The following LRR1 variants were observed in gnomAD, a reference collection of about 807,000 sequenced individuals.
LRR1 encodes the protein leucine-rich repeat protein 1.
In LRR1, 29 loss-of-function variants were observed where a neutral mutation model predicts 31.6. The observed-to-expected ratio is 0.92, with a 90% CI of 0.68 to 1.25. The LOEUF is 1.25. Ranked by LOEUF, LRR1 falls within the 50% of genes most tolerant of loss-of-function variation. The pLI, the probability that LRR1 is intolerant of heterozygous loss-of-function variation, is 0.00. For missense variants in LRR1, 485 were observed against 487.2 expected (o/e 1.00, Z 0.04); for synonymous variants, 179 against 181.4 (o/e 0.99, Z 0.10).
At chr14:49,611,280 C>T (rs1334475104) in intron 3 of LRR1, among the ~76,000 whole-genome samples, 1 of 151,880 alleles carries the variant, frequency 6.6e-6, no homozygotes, top group South Asian at 2.1e-4. Flanking sequence ...TTCGAGACCA[C>T]ACTGACCAAC....
At chr14:49,611,373 G>C (rs1882505203) in intron 3 of LRR1, among the ~76,000 whole-genome samples, 1 of 152,110 alleles carries the variant, frequency 6.6e-6, no homozygotes, top group African/African-American at 2.4e-5. Flanking sequence ...TACTCAGGAG[G>C]CTGAGGCAGG....
intron 1 of LRR1, chr14:49,601,558 G>A (rs1321149489): frequency 1.7e-6 from 2 of 1,197,546 alleles, no homozygotes; most frequent in Non-Finnish European, 2.2e-6. Flanking sequence ...GGATAGAATA[G>A]CAAAGGAGAC....
intron 1 of LRR1, among the ~76,000 whole-genome samples, chr14:49,599,813 C>T (rs1431128586): frequency 6.8e-6 from 1 of 146,182 alleles, no homozygotes; most frequent in East Asian, 2.0e-4. Context: ...GCGGCAGCGC[C>T]GCGGGCCTGC....
intron 1 of LRR1, chr14:49,600,659 G>A (rs1193687837): frequency 1.4e-6 from 2 of 1,434,906 alleles, no homozygotes; most frequent in East Asian, 2.3e-5. Context: ...CTCTCAGAAA[G>A]CAAATGAAAT....
rs1026076109 is a variant in LRR1, at chr14:49,600,541, T to A, written c.183+1338T>A. On this transcript the variant is annotated intron_variant, in intron 1 of 3. Transcript: ENST00000298288. ...TTTGATGAGGCTATCATAGCCATTT[T>A]AACTCCAAAGAAACACACTGTAAAA... 31 of 1,575,374 alleles carry A rather than the reference T, an allele frequency of 2.0e-5. No homozygotes were observed. In the African/African-American group the frequency reaches 4.2e-4, roughly 21 times the overall value.
chr14:49,608,172 T>C, intron 3 of LRR1, 51 bp downstream of exon 3: 4 of 1,481,800 alleles, frequency 2.7e-6, no homozygotes, highest in Non-Finnish European at 3.6e-6. Context: ...CATTCTAATA[T>C]TCCTATCAAA....
intron 1 of LRR1, among the ~76,000 whole-genome samples, chr14:49,599,653 C>A (rs1199202761): frequency 6.6e-6 from 1 of 151,858 alleles, no homozygotes; most frequent in Non-Finnish European, 1.5e-5. Context: ...CCCACAGTTG[C>A]CGTCTCCCCC....
At chr14:49,602,246 T>A (rs1882089575) in intron 1 of LRR1, 124 bp from the exon 2 acceptor site, 11 of 467,224 alleles carry the variant, frequency 2.4e-5, no homozygotes, top group Admixed American at 3.7e-5. Context: ...ATGAAAACAC[T>A]CAGACTCAAG....
Position 49,603,710 on chromosome 14 carries a change from A to ATTTTTTTTTTTTTTTTTTTTT in LRR1, c.282+1243_282+1244insTTTTTTTTTTTTTTTTTTTTT, listed in dbSNP as rs1566493069. On this transcript the variant is annotated intron_variant, in intron 2 of 3. Transcript: ENST00000298288. ...TTTTTTTTTTTTTTTTTTTTTTTTAATGAGACAGAGTCTCTCCCTGTCACC... is the reference window on the plus strand; with the variant it reads ...TTTTTTTTTTTTTTTTTTTTTTTTAATTTTTTTTTTTTTTTTTTTTTTGAGACAGAGTCTCTCCCTGTCACC... 3.0e-5 allele frequency: 4 copies of ATTTTTTTTTTTTTTTTTTTTT among 132,726 alleles called. 2 individuals are homozygous for ATTTTTTTTTTTTTTTTTTTTT. The highest frequency in any genetic ancestry group is 4.0e-5 in the Non-Finnish European group (4 of 100,046). The allele number at this position is 132,726 out of a possible 1,614,324, so 8.2% of individuals were successfully genotyped here.
chr14:49,610,194 A>G (rs1233511582), intron 3 of LRR1, among the ~76,000 whole-genome samples: 2 of 151,428 alleles, frequency 1.3e-5, no homozygotes, highest in South Asian at 2.1e-4. Context: ...TTGTCTGAAC[A>G]CTAACTGCAT....
intron 2 of LRR1, among the ~76,000 whole-genome samples, chr14:49,602,942 TCTC>T (rs959258148): frequency 6.6e-6 from 1 of 151,274 alleles, no homozygotes; most frequent in African/African-American, 2.4e-5. Context: ...TTCAAACAAT[TCTC>T]CTGCCTCAGC....
intron 1 of LRR1, chr14:49,601,217 T>C (rs1467923906): frequency 3.4e-6 from 5 of 1,457,010 alleles, no homozygotes; most frequent in Non-Finnish European, 4.6e-6. Context: ...CTTAATGTGC[T>C]TTCTTAAAAA....
chr14:49,599,253 G>T, intron 1 of LRR1, 50 bp downstream of exon 1: 1 of 1,511,122 alleles, frequency 6.6e-7, no homozygotes, highest in East Asian at 2.4e-5. Flanking sequence ...CTTGGAAGCC[G>T]AGACGCGGGC....
Position 49,614,259 on chromosome 14 carries a change from T to C in LRR1, c.1008T>C (p.Ile336=), listed in dbSNP as rs1882615549. The C allele has an allele frequency of 6.2e-7, 1 of 1,611,194 alleles. No homozygotes were observed. The highest frequency in any genetic ancestry group is 1.3e-5 in the African/African-American group (1 of 74,872). ...TTTTTATCATTCTTTCCAATAGGAT[T>C]CCATATGGCTCTCATATCATTCCAT... The part of the protein sequence containing the change: ...SSARTILHNR[I]PYGSHIIPFH... The change falls in exon 4 of 4, where the codon ATT becomes ATC. Residue 336 remains isoleucine (I), a synonymous_variant. Transcript: ENST00000298288.
In LRR1 at chr14:49,614,549, T is replaced by A. The variant is rs767844327; in HGVS notation, c.*53T>A. 1.2e-6 allele frequency: 2 copies of A among 1,609,692 alleles called. No homozygotes were observed. Among genetic ancestry groups the A allele is most frequent in the South Asian group, 1.1e-5 (1 of 90,472 alleles). On this transcript the variant is annotated 3_prime_UTR_variant, in exon 4 of 4. Transcript: ENST00000298288. ...ATAACAGATCAGTTTGGGGTGCATGTATGATTTTGCAGCGTCAAATTGGAG... is the reference window on the plus strand; with the variant it reads ...ATAACAGATCAGTTTGGGGTGCATGAATGATTTTGCAGCGTCAAATTGGAG...
chr14:49,603,789 G>A (rs1186724613), intron 2 of LRR1, among the ~76,000 whole-genome samples: 1 of 138,138 alleles, frequency 7.2e-6, no homozygotes, highest in African/African-American at 2.6e-5. Flanking sequence ...CACCTCCCGG[G>A]TTCAAGCGAT....
chr14:49,599,347 C>A, intron 1 of LRR1, 144 bp downstream of exon 1: 1 of 908,788 alleles, frequency 1.1e-6, no homozygotes, highest in Non-Finnish European at 1.6e-6. Context: ...TGAGACCTAC[C>A]ATCAGCCCGA....
chr14:49,604,750 T>TGACA (rs1209332656), intron 2 of LRR1, among the ~76,000 whole-genome samples: 1 of 152,120 alleles, frequency 6.6e-6, no homozygotes, highest in East Asian at 1.9e-4. Context: ...CCAGCATGGG[T>TGACA]GACAGAGCAA....
intron 1 of LRR1, chr14:49,601,018 T>C: frequency 1.2e-6 from 2 of 1,610,486 alleles, no homozygotes; most frequent in Non-Finnish European, 1.7e-6. Context: ...TTAATTGTTC[T>C]TGTATGTAAG....
Sources: gnomAD v4.1 joint callset for allele counts (sites outside exome capture counted in the v4.1 genomes callset) on GRCh38, gnomAD v4.1.1 for gene constraint, MANE v1.5 for transcripts, NCBI Gene and HGNC (gene_info 2026-07-23, HGNC 2026-07-21) for gene names.